Variants in RHBDD1 observed in about 807,000 individuals in gnomAD.
RHBDD1 encodes rhomboid-related protein 4.
A neutral mutation model predicts 36.3 loss-of-function variants in RHBDD1; 38 were observed. The ratio of observed to expected loss-of-function variants is 1.05; its 90% CI spans 0.81 to 1.37. The LOEUF is 1.37. Ranked by LOEUF, RHBDD1 falls within the 40% of genes most tolerant of loss-of-function variation. The pLI is 0.00. For synonymous variants in RHBDD1, 151 were observed against 136.5 expected (o/e 1.11, Z -0.74); for missense variants, 393 against 377.6 (o/e 1.04, Z -0.34).
intron 8 of RHBDD1, among the ~76,000 whole-genome samples, chr2:226,916,023 G>A (rs1417193958): frequency 2.6e-5 from 4 of 152,168 alleles, no homozygotes; most frequent in Non-Finnish European, 5.9e-5. Flanking sequence ...GTGGTGTTAC[G>A]CCATGCCTCA....
intron 8 of RHBDD1, among the ~76,000 whole-genome samples, chr2:226,964,528 T>C (rs1952475382): frequency 6.6e-6 from 1 of 152,214 alleles, no homozygotes; most frequent in South Asian, 2.1e-4. Flanking sequence ...GCTCTTCTTT[T>C]CTTCTCCCAA....
chr2:226,899,375 C>G (rs1185481282), intron 5 of RHBDD1, among the ~76,000 whole-genome samples: 4 of 151,452 alleles, frequency 2.6e-5, no homozygotes, highest in Non-Finnish European at 5.9e-5. Flanking sequence ...TGATTGTAAC[C>G]CTTTCATATT....
chr2:226,942,162 A>G (rs1250465360), intron 8 of RHBDD1, among the ~76,000 whole-genome samples: 2 of 151,998 alleles, frequency 1.3e-5, no homozygotes, highest in Non-Finnish European at 2.9e-5. Flanking sequence ...GTAAGTCTGT[A>G]GCCTGTCATA....
intron 5 of RHBDD1, among the ~76,000 whole-genome samples, chr2:226,889,116 A>G (rs1240920664): frequency 1.3e-5 from 2 of 152,200 alleles, no homozygotes; most frequent in African/African-American, 2.4e-5. Flanking sequence ...ATTGCTATCC[A>G]GGGTCTTGAG....
At chr2:226,968,285 A>C (rs1248706224) in intron 8 of RHBDD1, among the ~76,000 whole-genome samples, 1 of 152,204 alleles carries the variant, frequency 6.6e-6, no homozygotes, top group East Asian at 1.9e-4. Context: ...CTATTATTGC[A>C]AGGAAGTGCC....
At chr2:226,978,896 A>T (rs1286795744) in intron 8 of RHBDD1, among the ~76,000 whole-genome samples, 1 of 152,166 alleles carries the variant, frequency 6.6e-6, no homozygotes, top group Non-Finnish European at 1.5e-5. Context: ...TGTGTGGAGA[A>T]TGGCTGGTAG....
chr2:226,911,541 C>CTTTTT (rs869309466), intron 7 of RHBDD1, among the ~76,000 whole-genome samples: 3 of 71,420 alleles, frequency 4.2e-5, no homozygotes, highest in Admixed American at 1.5e-4. Context: ...TGTGAAAGTT[C>CTTTTT]TTTTTTTTTT....
intron 5 of RHBDD1, among the ~76,000 whole-genome samples, chr2:226,901,539 T>C (rs758721887): frequency 2.6e-5 from 4 of 152,200 alleles, no homozygotes; most frequent in Non-Finnish European, 5.9e-5. Flanking sequence ...TTGCCCACAC[T>C]TGTTGTATCA....
intron 8 of RHBDD1, among the ~76,000 whole-genome samples, chr2:226,992,197 C>T (rs1038446040): frequency 6.6e-6 from 1 of 152,166 alleles, no homozygotes; most frequent in African/African-American, 2.4e-5. Context: ...CAGAGTGTAC[C>T]TGAGACTGAG....
chr2:226,891,639 A>G (rs1178096462), intron 5 of RHBDD1, among the ~76,000 whole-genome samples: 1 of 152,162 alleles, frequency 6.6e-6, no homozygotes, highest in Non-Finnish European at 1.5e-5. Context: ...TCCTAATGCT[A>G]GCAATCCTAG....
At chr2:226,896,965 G>C (rs915522812) in intron 5 of RHBDD1, among the ~76,000 whole-genome samples, 1 of 151,960 alleles carries the variant, frequency 6.6e-6, no homozygotes, top group Non-Finnish European at 1.5e-5. Flanking sequence ...ACCATGCCTG[G>C]CTAATCTTTG....
upstream of RHBDD1, among the ~76,000 whole-genome samples, chr2:226,831,863 T>G (rs1940748964): frequency 6.6e-6 from 1 of 152,176 alleles, no homozygotes; most frequent in Non-Finnish European, 1.5e-5. Flanking sequence ...ACAATCCTTT[T>G]AATTTGGGTT....
intron 5 of RHBDD1, among the ~76,000 whole-genome samples, chr2:226,878,813 A>T (rs1232850206): frequency 1.3e-5 from 2 of 152,208 alleles, no homozygotes; most frequent in Non-Finnish European, 2.9e-5. Context: ...AGAAGTGGTA[A>T]TGGCAACCAT....
chr2:226,969,642 C>A (rs1486869870), intron 8 of RHBDD1, among the ~76,000 whole-genome samples: 1 of 152,146 alleles, frequency 6.6e-6, no homozygotes, highest in Non-Finnish European at 1.5e-5. Context: ...CTTTTCAGAA[C>A]TGTGTCCTAC....
At chr2:226,873,836 G>A (rs1261371067) in intron 5 of RHBDD1, among the ~76,000 whole-genome samples, 1 of 152,160 alleles carries the variant, frequency 6.6e-6, no homozygotes, top group African/African-American at 2.4e-5. Context: ...TGTTCAAGGG[G>A]TTGTGAGTTT....
intron 7 of RHBDD1, among the ~76,000 whole-genome samples, chr2:226,913,851 C>T (rs1046228420): frequency 2.6e-5 from 4 of 152,158 alleles, no homozygotes; most frequent in Non-Finnish European, 5.9e-5. Context: ...ATTCTCTTGA[C>T]TCAAGCCAGG....
chr2:226,914,431 A>G, intron 8 of RHBDD1, 80 bp downstream of exon 8: 1 of 1,475,386 alleles, frequency 6.8e-7, no homozygotes, highest in Admixed American at 2.3e-5. Context: ...ATTTGTAGCA[A>G]ATTAAATTTT....
chr2:226,895,426 A>G (rs1490019554), intron 5 of RHBDD1, among the ~76,000 whole-genome samples: 1 of 152,014 alleles, frequency 6.6e-6, no homozygotes, highest in Admixed American at 6.5e-5. Context: ...GATGGAGAGG[A>G]TTGTGGTCGG....
At chr2:226,842,088 A>G (rs566432070) in intron 3 of RHBDD1, among the ~76,000 whole-genome samples, 2 of 152,218 alleles carry the variant, frequency 1.3e-5, no homozygotes, top group African/African-American at 4.8e-5. Context: ...GGCTGCATGT[A>G]TGTTTTCTTT....
Sources: allele counts gnomAD v4.1 joint callset (sites outside exome capture counted in the v4.1 genomes callset), GRCh38; gene constraint gnomAD v4.1.1; transcripts MANE v1.5; gene names NCBI Gene and HGNC (gene_info 2026-07-23, HGNC 2026-07-21).